The following LRRC37B variants were observed in gnomAD, a reference collection of about 807,000 sequenced individuals.
LRRC37B encodes leucine-rich repeat-containing protein 37B.
Under a neutral mutation model 98.3 loss-of-function variants are expected in LRRC37B, and 28 were observed. The observed-to-expected ratio is 0.28, with a 90% confidence interval of 0.21 to 0.39. The LOEUF is 0.39. Ranked by LOEUF, LRRC37B falls within the 10% of genes least tolerant of loss-of-function variation. LRRC37B has a pLI of 1.00. For synonymous variants in LRRC37B, 364 were observed against 442.7 expected (o/e 0.82, Z 2.23); for missense variants, 938 against 1,182.7 (o/e 0.79, Z 3.03).
At chr17:32,032,565 G>A (rs369514418) in intron 5 of LRRC37B, among the ~76,000 whole-genome samples, 1 of 152,058 alleles carries the variant, frequency 6.6e-6, no homozygotes, top group African/African-American at 2.4e-5. Flanking sequence ...TCTGACTTTA[G>A]AAAATACTTT....
chr17:32,027,461 G>T (rs1487242365), intron 2 of LRRC37B, among the ~76,000 whole-genome samples: 2 of 143,404 alleles, frequency 1.4e-5, no homozygotes, highest in African/African-American at 5.9e-5. Flanking sequence ...GTGTGTGTGT[G>T]TGCTTGCCTG....
At chr17:32,035,606 A>G in exon 7 of LRRC37B, 1 of 1,612,138 alleles carries the variant, frequency 6.2e-7, no homozygotes, top group Non-Finnish European at 8.5e-7. Context: ...ACACTTAAGA[A>G]CATTCTCACG....
chr17:32,035,051 G>C, intron 6 of LRRC37B, 70 bp downstream of exon 9: 5 of 1,169,954 alleles, frequency 4.3e-6, no homozygotes, highest in Non-Finnish European at 6.1e-6. Context: ...CAAAGATAAA[G>C]TATTTTGCAT....
chr17:32,020,840 C>A, upstream of LRRC37B: 1 of 836,928 alleles, frequency 1.2e-6, no homozygotes, highest in Non-Finnish European at 1.7e-6. Context: ...GCCGTGCCCC[C>A]ACCCCACCCC....
chr17:32,049,146 A>G, exon 10 of LRRC37B: 3 of 1,613,958 alleles, frequency 1.9e-6, no homozygotes, highest in South Asian at 2.2e-5. Flanking sequence ...ACGGTCCCTC[A>G]TCCCCAACGA....
upstream of LRRC37B, among the ~76,000 whole-genome samples, chr17:32,017,378 T>G (rs190674553): frequency 3.1e-3 from 476 of 152,364 alleles, 10 homozygotes; most frequent in Admixed American, 0.027. Flanking sequence ...GCCTTACCAT[T>G]TAATCATATT....
chr17:32,008,120 A>G (rs1910452732), exon 1 of LRRC37B: 2 of 387,406 alleles, frequency 5.2e-6, no homozygotes, highest in South Asian at 2.9e-5. Flanking sequence ...AAGCAGCTTC[A>G]GCAGCACTCC....
chr17:32,027,835 G>C (rs759942829), exon 3 of LRRC37B: 2 of 1,604,384 alleles, frequency 1.2e-6, no homozygotes, highest in South Asian at 1.1e-5. Context: ...TATACCTCCA[G>C]TATTTGTAAG....
chr17:32,020,756 T>G, upstream of LRRC37B: 1 of 493,946 alleles, frequency 2.0e-6, no homozygotes, highest in East Asian at 4.0e-5. Context: ...GGAGGAAGAA[T>G]TCAGGCTGCC....
intron 5 of LRRC37B, 104 bp from the exon 9 acceptor site, chr17:32,034,806 A>T (rs1911201598): frequency 3.6e-6 from 3 of 830,070 alleles, no homozygotes; most frequent in Non-Finnish European, 2.0e-6. Flanking sequence ...GCAGAAAATT[A>T]TTTTTTTTAC....
upstream of LRRC37B, among the ~76,000 whole-genome samples, chr17:32,018,913 G>A (rs927951563): frequency 2.6e-5 from 4 of 152,040 alleles, no homozygotes; most frequent in African/African-American, 4.8e-5. Flanking sequence ...TCCCTACACA[G>A]GCATACCATT....
chr17:32,035,195 A>G (rs1911213974), intron 6 of LRRC37B, among the ~76,000 whole-genome samples: 1 of 152,252 alleles, frequency 6.6e-6, no homozygotes. Flanking sequence ...AAGAAGCCGT[A>G]TAGATTTGGA....
At chr17:32,023,858 A>C (rs1386446449) in intron 1 of LRRC37B, among the ~76,000 whole-genome samples, 1 of 152,212 alleles carries the variant, frequency 6.6e-6, no homozygotes, top group Non-Finnish European at 1.5e-5. Context: ...ATACGCATAA[A>C]AAGGGCGGTG....
chr17:32,022,254 C>A lies in LRRC37B; in HGVS notation c.1189C>A (p.Pro397Thr), dbSNP rs540970232. Reference sequence around the variant, plus strand: ...ATCTACCCAAGCCCAGCAGGAGGCCCCAATTCAGCCTCCCGAGGAGGCGGA... The same window carrying A: ...ATCTACCCAAGCCCAGCAGGAGGCCACAATTCAGCCTCCCGAGGAGGCGGA... Residue 397 changes from proline (P) to threonine (T), a missense_variant, in exon 1 of 12, where the codon CCA (proline) becomes ACA (threonine). Physicochemically the swap from Pro to Thr is conservative, Grantham distance 38. Coordinates refer to ENST00000327564, the Ensembl canonical transcript of LRRC37B. The A allele has an allele frequency of 3.7e-5, 60 of 1,613,976 alleles. No homozygotes were observed. The South Asian group carries it at 4.5e-4, about 12-fold the overall frequency.
rs779320453 is a variant in LRRC37B at position 32,047,838 on chromosome 17, C to G, written c.2401C>G (p.Gln801Glu). The G allele has an allele frequency of 1.3e-5, 21 of 1,613,998 alleles. No homozygotes were observed. In the Admixed American group the frequency reaches 1.5e-4, roughly 12 times the overall value. ...AGCCCGGAAGCAGCACATGAGCACT[C>G]AGCTGACTATTGAGTCGGAGGCGCC... The change falls in exon 9 of 12, where the codon CAG becomes GAG. Residue 801 changes from glutamine to glutamate, a missense_variant. Coordinates refer to ENST00000327564, the Ensembl canonical transcript of LRRC37B.
At chr17:32,023,067 C>T (rs1910847993) in intron 1 of LRRC37B, among the ~76,000 whole-genome samples, 1 of 152,116 alleles carries the variant, frequency 6.6e-6, no homozygotes, top group African/African-American at 2.4e-5. Context: ...TTCTTATTTA[C>T]CCCATCACAT....
At chr17:32,037,604 T>A (rs1911283428) in intron 7 of LRRC37B, among the ~76,000 whole-genome samples, 2 of 152,136 alleles carry the variant, frequency 1.3e-5, no homozygotes, top group African/African-American at 4.8e-5. Context: ...TTTAAAGAAA[T>A]GTTCACCTTT....
intron 7 of LRRC37B, among the ~76,000 whole-genome samples, chr17:32,038,750 C>G (rs1353613617): frequency 6.6e-6 from 1 of 152,122 alleles, no homozygotes; most frequent in Non-Finnish European, 1.5e-5. Context: ...CCCGGCTACT[C>G]AGGAGGCTGA....
chr17:32,050,753 A>C (rs1289630838), intron 11 of LRRC37B, among the ~76,000 whole-genome samples: 1 of 152,032 alleles, frequency 6.6e-6, no homozygotes, highest in East Asian at 1.9e-4. Flanking sequence ...CTTGGACACC[A>C]TATGAGACAT....
Sources: allele counts gnomAD v4.1 joint callset (sites outside exome capture counted in the v4.1 genomes callset), GRCh38; gene constraint gnomAD v4.1.1; transcripts MANE v1.5; gene names NCBI Gene and HGNC (gene_info 2026-07-23, HGNC 2026-07-21).